Variants in CDKAL1 observed in about 807,000 individuals in gnomAD.
CDKAL1 encodes CDKAL1 threonylcarbamoyladenosine tRNA methylthiotransferase.
Under a neutral mutation model 68.2 loss-of-function variants are expected in CDKAL1, and 32 were observed. That is an observed-to-expected ratio of 0.47 (90% confidence interval 0.35 to 0.63). The LOEUF is 0.63. CDKAL1 is among the 30% of genes least tolerant of loss of function. The pLI is 0.00. For synonymous variants in CDKAL1, 234 were observed against 244.3 expected (o/e 0.96, Z 0.39); for missense variants, 606 against 696.7 (o/e 0.87, Z 1.47).
chr6:20,734,431 CCATT>C (rs1285092607), intron 5 of CDKAL1, among the ~76,000 whole-genome samples: 2 of 152,008 alleles, frequency 1.3e-5, no homozygotes, highest in Non-Finnish European at 2.9e-5. Flanking sequence ...ATTCTTATCA[CCATT>C]CATATTTTGC....
chr6:20,954,391 T>C (rs1047230580), intron 9 of CDKAL1, among the ~76,000 whole-genome samples: 2 of 152,218 alleles, frequency 1.3e-5, no homozygotes, highest in Non-Finnish European at 2.9e-5. Flanking sequence ...TTAAGACACT[T>C]TCTAGAAACT....
chr6:20,792,626 T>C (rs886288510), intron 8 of CDKAL1, among the ~76,000 whole-genome samples: 1 of 152,226 alleles, frequency 6.6e-6, no homozygotes, highest in Non-Finnish European at 1.5e-5. Flanking sequence ...TATGCAAGTA[T>C]GGATTTATTT....
intron 4 of CDKAL1, among the ~76,000 whole-genome samples, chr6:20,600,789 C>CATATATATATATATATATATAT (rs58795499): frequency 0.088 from 11,255 of 127,506 alleles, 757 homozygotes; most frequent in East Asian, 0.26. Context: ...TATATATATA[C>CATATATATATATATATATATAT]ACACACACAC....
chr6:20,753,519 T>C (rs2745932), intron 6 of CDKAL1, among the ~76,000 whole-genome samples: 83,420 of 151,998 alleles, frequency 0.55, 23,084 homozygotes, highest in Middle Eastern at 0.6. Context: ...GTAGGCTATA[T>C]CATATAGCCT....
intron 4 of CDKAL1, among the ~76,000 whole-genome samples, chr6:20,643,174 T>C (rs1768270407): frequency 6.6e-6 from 1 of 152,196 alleles, no homozygotes; most frequent in Non-Finnish European, 1.5e-5. Flanking sequence ...TGGTGCCTTC[T>C]TCCTACCTTT....
intron 9 of CDKAL1, among the ~76,000 whole-genome samples, chr6:20,860,900 A>T (rs190280014): frequency 6.6e-6 from 1 of 150,886 alleles, no homozygotes; most frequent in Admixed American, 6.6e-5. Context: ...TGGAATTTAG[A>T]TCTGTTTAGA....
At chr6:21,004,142 G>A (rs7762669) in intron 11 of CDKAL1, among the ~76,000 whole-genome samples, 72,248 of 152,032 alleles carry the variant, frequency 0.48, 18,395 homozygotes, top group East Asian at 0.85. Flanking sequence ...AATCCAAACT[G>A]TGGGAGTTTA....
chr6:20,901,467 G>A (rs1761961252), intron 9 of CDKAL1, among the ~76,000 whole-genome samples: 1 of 151,522 alleles, frequency 6.6e-6, no homozygotes, highest in Admixed American at 6.6e-5. Flanking sequence ...AAGGTCAGGA[G>A]ATCAAGACCA....
intron 4 of CDKAL1, among the ~76,000 whole-genome samples, chr6:20,642,683 C>T (rs1768238407): frequency 6.6e-6 from 1 of 152,028 alleles, no homozygotes. Context: ...AAGTGGCACA[C>T]CTTTGTGGAG....
chr6:21,120,195 C>T (rs1250674417), intron 13 of CDKAL1, among the ~76,000 whole-genome samples: 1 of 152,192 alleles, frequency 6.6e-6, no homozygotes, highest in African/African-American at 2.4e-5. Flanking sequence ...GCTTACAATC[C>T]ATTGGGGCAG....
intron 15 of CDKAL1, among the ~76,000 whole-genome samples, chr6:21,219,635 C>T (rs1046799228): frequency 1.3e-5 from 2 of 152,156 alleles, no homozygotes; most frequent in African/African-American, 4.8e-5. Flanking sequence ...CTCCTTTATT[C>T]GTTTTATGCA....
intron 13 of CDKAL1, among the ~76,000 whole-genome samples, chr6:21,141,068 G>T (rs1186626662): frequency 6.6e-6 from 1 of 152,100 alleles, no homozygotes; most frequent in Non-Finnish European, 1.5e-5. Flanking sequence ...CAACACATGG[G>T]AATTCTGGGA....
chr6:20,567,880 A>AT lies in CDKAL1; in HGVS notation c.286+19188dup, dbSNP rs554575543. ...AGGTGTGCACCACCATGCCCAGCAA[A>AT]TTTTTTTTTTTTTGAGACGGAGTCT... is the stretch of plus-strand genomic sequence containing the variant. On this transcript the variant is annotated intron_variant, in intron 4 of 15. Transcript: ENST00000274695. 2.1e-3 allele frequency among the ~76,000 whole-genome samples: 297 copies of AT among 144,554 alleles called. 2 individuals are homozygous for AT. The highest frequency in any genetic ancestry group is 0.016 in the East Asian group (77 of 4,960). The allele number at this position is 144,554 out of a possible 152,430, so 94.8% of individuals were successfully genotyped here.
intron 4 of CDKAL1, among the ~76,000 whole-genome samples, chr6:20,557,930 TAAAC>T (rs200158880): frequency 1.8e-4 from 28 of 152,048 alleles, no homozygotes; most frequent in South Asian, 6.2e-4. Flanking sequence ...GACTCCGTCT[TAAAC>T]AAACAAACAA....
chr6:21,202,629 G>A (rs1397072761), intron 15 of CDKAL1, among the ~76,000 whole-genome samples: 4 of 152,218 alleles, frequency 2.6e-5, no homozygotes, highest in Non-Finnish European at 5.9e-5. Flanking sequence ...GCAAGTAGCA[G>A]TAGTGGGGAA....
At chr6:20,725,780 G>A (rs1377996753) in intron 5 of CDKAL1, among the ~76,000 whole-genome samples, 6 of 120,788 alleles carry the variant, frequency 5.0e-5, no homozygotes, top group African/African-American at 7.1e-5. Flanking sequence ...GTGAAACTCC[G>A]TCTAAAAAAA....
chr6:21,002,245 G>C (rs1332227655), intron 11 of CDKAL1, among the ~76,000 whole-genome samples: 1 of 152,156 alleles, frequency 6.6e-6, no homozygotes, highest in Non-Finnish European at 1.5e-5. Context: ...TTATTGTGAG[G>C]CATCTATGTA....
At chr6:21,000,088 A>G (rs867236806) in intron 10 of CDKAL1, 139 bp from the exon 11 acceptor site, 40 of 564,560 alleles carry the variant, frequency 7.1e-5, no homozygotes, top group African/African-American at 6.3e-4. Context: ...TTACCAACTG[A>G]TGTTCACTTT....
intron 7 of CDKAL1, among the ~76,000 whole-genome samples, chr6:20,775,080 A>G (rs1413310962): frequency 1.3e-5 from 2 of 152,192 alleles, no homozygotes; most frequent in South Asian, 2.1e-4. Context: ...ATTTTTGAGT[A>G]TGTCTCATTC....
Sources: gnomAD v4.1 joint callset for allele counts (sites outside exome capture counted in the v4.1 genomes callset) on GRCh38, gnomAD v4.1.1 for gene constraint, MANE v1.5 for transcripts, NCBI Gene and HGNC (gene_info 2026-07-23, HGNC 2026-07-21) for gene names.